GBE1: variants seen among roughly 807,000 people sequenced by gnomAD.
The protein encoded by GBE1 is 1,4-alpha-glucan branching enzyme 1, also known as 1,4-alpha-glucan-branching enzyme.
Under a neutral mutation model 88.8 loss-of-function variants are expected in GBE1, and 70 were observed. The observed-to-expected ratio is 0.79, with a 90% CI of 0.65 to 0.96. GBE1 has a LOEUF of 0.96. GBE1 is among the 40% of genes least tolerant of loss of function. The pLI is 0.00. For missense variants in GBE1, 872 were observed against 871.0 expected (o/e 1.00, Z -0.01); for synonymous variants, 284 against 300.1 (o/e 0.95, Z 0.56).
intron 7 of GBE1, among the ~76,000 whole-genome samples, chr3:81,617,649 A>C (rs755321760): frequency 1.3e-5 from 2 of 151,914 alleles, no homozygotes; most frequent in Non-Finnish European, 2.9e-5. Flanking sequence ...TTTGCTCCTA[A>C]TTCACGAGGA....
At chr3:81,544,283 G>A (rs1170825330) in intron 12 of GBE1, among the ~76,000 whole-genome samples, 1 of 152,138 alleles carries the variant, frequency 6.6e-6, no homozygotes, top group Non-Finnish European at 1.5e-5. Context: ...AGCGCACAGA[G>A]GCAATGACTG....
chr3:81,563,532 G>T (rs911083184), intron 12 of GBE1, among the ~76,000 whole-genome samples: 1 of 152,034 alleles, frequency 6.6e-6, no homozygotes, highest in Admixed American at 6.6e-5. Flanking sequence ...CAGACTCAAG[G>T]CTAGAATTAA....
intron 14 of GBE1, among the ~76,000 whole-genome samples, chr3:81,509,189 T>G (rs745805260): frequency 4.6e-5 from 7 of 152,086 alleles, no homozygotes; most frequent in Non-Finnish European, 1.0e-4. Context: ...TGTGTCTTTG[T>G]TCTCACTAGA....
At chr3:81,707,784 C>T (rs1368676679) in intron 1 of GBE1, among the ~76,000 whole-genome samples, 3 of 151,950 alleles carry the variant, frequency 2.0e-5, no homozygotes, top group East Asian at 3.8e-4. Context: ...CCAATAATTT[C>T]TTCTTTCCAT....
intron 7 of GBE1, among the ~76,000 whole-genome samples, chr3:81,631,783 T>A (rs1163508421): frequency 2.0e-5 from 3 of 151,800 alleles, no homozygotes; most frequent in Admixed American, 1.3e-4. Context: ...AAATTTTTAA[T>A]GGAAACACTT....
intron 14 of GBE1, among the ~76,000 whole-genome samples, chr3:81,532,480 T>C (rs1279461411): frequency 1.3e-5 from 2 of 152,068 alleles, no homozygotes; most frequent in Non-Finnish European, 2.9e-5. Context: ...TTCGTATACT[T>C]TTTCTATTCT....
intron 1 of GBE1, among the ~76,000 whole-genome samples, chr3:81,758,026 A>G (rs1477925553): frequency 1.3e-5 from 2 of 152,252 alleles, no homozygotes; most frequent in Non-Finnish European, 2.9e-5. Context: ...TCCAACATGT[A>G]CAATGCTAGA....
At chr3:81,719,052 A>G (rs1245575091) in intron 1 of GBE1, among the ~76,000 whole-genome samples, 1 of 152,122 alleles carries the variant, frequency 6.6e-6, no homozygotes, top group Non-Finnish European at 1.5e-5. Context: ...ACCATTGAAG[A>G]AAAAAAATTC....
At chr3:81,599,039 A>T (rs1004483183) in intron 7 of GBE1, among the ~76,000 whole-genome samples, 1 of 152,178 alleles carries the variant, frequency 6.6e-6, no homozygotes, top group Non-Finnish European at 1.5e-5. Flanking sequence ...TAGCATATTA[A>T]ATACTTTATT....
At chr3:81,546,590 G>A (rs1023600943) in intron 12 of GBE1, among the ~76,000 whole-genome samples, 1 of 151,264 alleles carries the variant, frequency 6.6e-6, no homozygotes, top group Non-Finnish European at 1.5e-5. Context: ...AACCAACATG[G>A]TAATGAGAGT....
intron 1 of GBE1, among the ~76,000 whole-genome samples, chr3:81,740,766 G>GCGCACACACA (rs1553695737): frequency 6.7e-6 from 1 of 149,192 alleles, no homozygotes; most frequent in Non-Finnish European, 1.5e-5. Context: ...GTTAGAAAGT[G>GCGCACACACA]CACACACACA....
intron 1 of GBE1, among the ~76,000 whole-genome samples, chr3:81,747,720 G>C (rs1706436658): frequency 6.6e-6 from 1 of 152,126 alleles, no homozygotes; most frequent in South Asian, 2.1e-4. Context: ...CACCTTAACT[G>C]AGTGATTAAC....
Position 81,503,476 on chromosome 3 carries a change from G to C in GBE1, c.1935-4249C>G, listed in dbSNP as rs77483141. On this transcript the variant is annotated intron_variant, in intron 14 of 15. Transcript: ENST00000429644. ...TTGTAAACAGTATAAAACAGACGGC[G>C]GAAAGACTAAGTCGGGAAAAGCAGT... Among the ~76,000 whole-genome samples, 541 of 152,234 alleles carry C rather than the reference G, an allele frequency of 3.6e-3. 5 individuals are homozygous for C. The highest frequency in any genetic ancestry group is 0.012 in the African/African-American group (515 of 41,540).
Position 81,496,303 on chromosome 3 carries a change from A to C in GBE1, c.2052+2807T>G, listed in dbSNP as rs139694008. ...ATCCCCAGCTTCACAGTTTCAACTG[A>C]GGGAGCACACAGAGACAACGCTAGA... is the stretch of plus-strand genomic sequence containing the variant. On this transcript the variant is annotated intron_variant, in intron 15 of 15. Coordinates refer to ENST00000429644, the MANE Select transcript of GBE1 (RefSeq NM_000158.4). Among the ~76,000 whole-genome samples, 8 of 152,326 alleles carry C rather than the reference A, an allele frequency of 5.3e-5. No homozygotes were observed. The East Asian group carries it at 1.5e-3, about 29-fold the overall frequency.
chr3:81,745,715 T>C (rs1347540439), intron 1 of GBE1, among the ~76,000 whole-genome samples: 1 of 152,150 alleles, frequency 6.6e-6, no homozygotes, highest in Admixed American at 6.5e-5. Flanking sequence ...TTAAGTTACA[T>C]GTTGAAATGA....
At chr3:81,573,587 C>T (rs1703603829) in intron 12 of GBE1, among the ~76,000 whole-genome samples, 1 of 152,160 alleles carries the variant, frequency 6.6e-6, no homozygotes. Flanking sequence ...ATACATACCA[C>T]TTAGTAATAC....
intron 2 of GBE1, 132 bp from the exon 3 acceptor site, chr3:81,671,085 TA>T: frequency 4.4e-6 from 2 of 458,838 alleles, no homozygotes; most frequent in Non-Finnish European, 3.8e-6. Context: ...TCTGAAGTGT[TA>T]ATCAAAATAC....
At chr3:81,657,378 T>C (rs1704956815) in intron 3 of GBE1, among the ~76,000 whole-genome samples, 1 of 137,118 alleles carries the variant, frequency 7.3e-6, no homozygotes, top group African/African-American at 2.6e-5. Flanking sequence ...AGATAATCAG[T>C]GAACAAAAAA....
At chr3:81,502,496 C>T (rs555407063) in intron 14 of GBE1, among the ~76,000 whole-genome samples, 1 of 152,294 alleles carries the variant, frequency 6.6e-6, no homozygotes, top group South Asian at 2.1e-4. Flanking sequence ...CAATAGCTTC[C>T]TTTAGAAAAT....
Sources: gnomAD v4.1 joint callset for allele counts (sites outside exome capture counted in the v4.1 genomes callset) on GRCh38, gnomAD v4.1.1 for gene constraint, MANE v1.5 for transcripts, NCBI Gene and HGNC (gene_info 2026-07-23, HGNC 2026-07-21) for gene names.